LIPC: variants seen among roughly 807,000 people sequenced by gnomAD.
LIPC encodes hepatic triacylglycerol lipase.
In LIPC, 44 loss-of-function variants were observed where a neutral mutation model predicts 50.7. The ratio of observed to expected loss-of-function variants is 0.87; its 90% CI spans 0.68 to 1.11. LIPC has a LOEUF of 1.11. Among genes scored for constraint, LIPC ranks in the 50% most tolerant of loss-of-function variants. The pLI, the probability that LIPC is intolerant of heterozygous loss-of-function variation, is 0.00. For synonymous variants in LIPC, 271 were observed against 256.4 expected, an observed-to-expected ratio of 1.06 and a Z score of -0.54; for missense variants, 697 against 648.2, an observed-to-expected ratio of 1.08 and a Z score of -0.82.
At position 58,541,946 on chromosome 15, in the gene LIPC, G is replaced by C; in HGVS notation, c.435G>C (p.Ala145=). The change falls in exon 3 of 9, where the codon GCG becomes GCC. Residue 145 remains alanine, a synonymous_variant. Transcript: ENST00000299022. Reference sequence around the variant, plus strand: ...CCCGCCTTGTGGGCAAGGAGGTCGCGGCTCTTCTCCGGTGGCTGGAGGTAC... The same window carrying C: ...CCCGCCTTGTGGGCAAGGAGGTCGCCGCTCTTCTCCGGTGGCTGGAGGTAC... ...RNTRLVGKEV[A]ALLRWLEESV... is the part of the protein sequence containing the mutation. The C allele has an allele frequency of 6.2e-7, 1 of 1,610,548 alleles. No individual in the cohort carries two copies. The highest frequency in any genetic ancestry group is 8.5e-7 in the Non-Finnish European group (1 of 1,179,566).
intron 1 of LIPC, among the ~76,000 whole-genome samples, chr15:58,534,055 A>G (rs573190826): frequency 6.6e-6 from 1 of 152,332 alleles, no homozygotes; most frequent in East Asian, 1.9e-4. Context: ...AAGAGAGGGC[A>G]TAAGCTCTAA....
chr15:58,437,556 G>A (rs1231909202), intron 1 of LIPC, among the ~76,000 whole-genome samples: 1 of 151,912 alleles, frequency 6.6e-6, no homozygotes, highest in East Asian at 1.9e-4. Flanking sequence ...AAATAAAAAG[G>A]CCCTGATCAG....
rs374799133 is a variant in LIPC at position 58,568,728 on chromosome 15, T to A, written c.1401T>A (p.Cys467Ter). The change falls in exon 9 of 9, where the codon TGT becomes TGA. Residue 467 changes from cysteine (C) to a stop codon, truncating the protein, a stop_gained. Coordinates refer to ENST00000299022, the MANE Select transcript of LIPC (RefSeq NM_000236.3). LOFTEE classifies it high-confidence loss of function. ...AGETQQRMTF[C>*]SENTDDLLLR... ...GTTTTCTATTCAGAATGACATTTTG[T>A]TCAGAAAACACAGATGACCTACTAC... The A allele has an allele frequency of 5.6e-6, 9 of 1,598,106 alleles. No homozygotes were observed. Among genetic ancestry groups the A allele is most frequent in the Non-Finnish European group, 7.7e-6 (9 of 1,166,060 alleles).
chr15:58,445,342 A>G (rs1309208834), intron 1 of LIPC, among the ~76,000 whole-genome samples: 1 of 152,100 alleles, frequency 6.6e-6, no homozygotes, highest in Admixed American at 6.5e-5. Context: ...TTTGAGAGGT[A>G]TTTCTCCCAT....
intron 1 of LIPC, among the ~76,000 whole-genome samples, chr15:58,440,058 A>G (rs1893450819): frequency 6.6e-6 from 1 of 152,246 alleles, no homozygotes; most frequent in Admixed American, 6.5e-5. Context: ...CCCAGTAGCT[A>G]CAACCCCAAA....
chr15:58,506,108 G>A (rs76602712), intron 1 of LIPC, among the ~76,000 whole-genome samples: 18,187 of 152,148 alleles, frequency 0.12, 1,175 homozygotes, highest in Non-Finnish European at 0.16. Context: ...GCTGTGTTTG[G>A]GTGCCTGTAG....
intron 8 of LIPC, among the ~76,000 whole-genome samples, chr15:58,567,543 T>G (rs1377981692): frequency 6.6e-6 from 1 of 151,804 alleles, no homozygotes; most frequent in Non-Finnish European, 1.5e-5. Flanking sequence ...AATACATATG[T>G]ACAGAATGTT....
chr15:58,554,707 C>A (rs1228815211), intron 6 of LIPC, among the ~76,000 whole-genome samples: 1 of 152,064 alleles, frequency 6.6e-6, no homozygotes, highest in Non-Finnish European at 1.5e-5. Context: ...CCAGCCTGAG[C>A]AACATACAGA....
chr15:58,480,865 G>A (rs1443905201), intron 1 of LIPC, among the ~76,000 whole-genome samples: 2 of 152,114 alleles, frequency 1.3e-5, no homozygotes, highest in Admixed American at 6.5e-5. Context: ...GCCTTGTACT[G>A]TAGGTTCCCC....
chr15:58,490,501 G>C (rs1235035320), intron 1 of LIPC, among the ~76,000 whole-genome samples: 1 of 152,134 alleles, frequency 6.6e-6, no homozygotes. Flanking sequence ...CCGTTCGCGG[G>C]ATAATTATCC....
At chr15:58,435,647 C>A (rs1243740467) in intron 1 of LIPC, 1 of 152,262 alleles carries the variant, frequency 6.6e-6, no homozygotes, top group East Asian at 1.9e-4. Flanking sequence ...CCGTGGCTCA[C>A]GCCTGTAATC....
At position 58,471,331 on chromosome 15, in the gene LIPC, G is replaced by GGGGA. The variant is rs1555399324; in HGVS notation, c.88+39214_88+39215insAGGG. On this transcript the variant is annotated intron_variant, in intron 1 of 8. Transcript: ENST00000299022. ...TTTTTTGTATTTTTAGTAGAGATGGGGGGGGGTGGTCTCACCATGTTGGCC... is the reference window on the plus strand; with the variant it reads ...TTTTTTGTATTTTTAGTAGAGATGGGGGGAGGGGGGTGGTCTCACCATGTTGGCC... Among the ~76,000 whole-genome samples, 11 of 139,002 alleles carry GGGGA rather than the reference G, an allele frequency of 7.9e-5. 2 individuals carry two copies. The highest frequency in any genetic ancestry group is 6.3e-5 in the Non-Finnish European group (4 of 63,936). 91.2% of individuals were successfully genotyped at this position (139,002 alleles called of 152,430 possible). A position where few individuals can be genotyped will look rare whatever the true frequency, so the allele number is the denominator to read the frequency against.
intron 8 of LIPC, among the ~76,000 whole-genome samples, chr15:58,564,609 C>T (rs138285708): frequency 0.015 from 2,318 of 152,156 alleles, 53 homozygotes; most frequent in African/African-American, 0.052. Flanking sequence ...CAATGGTAGT[C>T]CCAGCTACTC....
chr15:58,501,646 A>G (rs942675131), intron 1 of LIPC, among the ~76,000 whole-genome samples: 1 of 152,218 alleles, frequency 6.6e-6, no homozygotes, highest in African/African-American at 2.4e-5. Context: ...GGAAGAGTAC[A>G]TTAACTTGCC....
chr15:58,512,163 A>G (rs796254615), intron 1 of LIPC, among the ~76,000 whole-genome samples: 4 of 150,270 alleles, frequency 2.7e-5, no homozygotes, highest in African/African-American at 9.8e-5. Context: ...CAATGGCATG[A>G]TCTCAGCTCA....
chr15:58,452,279 T>C (rs1291440214), intron 1 of LIPC, among the ~76,000 whole-genome samples: 1 of 152,228 alleles, frequency 6.6e-6, no homozygotes, highest in Non-Finnish European at 1.5e-5. Flanking sequence ...GTCTGGGTTT[T>C]AACGCACCCT....
Position 58,463,123 on chromosome 15 carries a change from A to C in LIPC, c.88+31003A>C, listed in dbSNP as rs1003347562. On this transcript the variant is annotated intron_variant, in intron 1 of 8. Coordinates refer to ENST00000299022, the MANE Select transcript of LIPC (RefSeq NM_000236.3). ...GCAGCCAAGGGCCAGCTCCCCAGTG[A>C]AAGGTGATATTGTGCTTCTACCGCA... Among the ~76,000 whole-genome samples the C allele has an allele frequency of 3.3e-5, 5 of 152,172 alleles. No homozygotes were observed. In the East Asian group the frequency reaches 7.7e-4, roughly 23 times the overall value.
rs561781996 is a variant in LIPC, at chr15:58,437,365, A to G, written c.88+5245A>G. Among the ~76,000 whole-genome samples, 78 of 152,198 alleles carry G rather than the reference A, an allele frequency of 5.1e-4. 2 individuals carry two copies. The South Asian group carries it at 0.016, about 30-fold the overall frequency. ...AGCTTTGTAAAACAAGTATAAGAAA[A>G]TTGTATATGCAATAATGTAGGGAAA... is the stretch of plus-strand genomic sequence containing the variant. On this transcript the variant is annotated intron_variant, in intron 1 of 8. Transcript: ENST00000299022.
intron 6 of LIPC, among the ~76,000 whole-genome samples, chr15:58,557,379 C>CTTTTT (rs386383140): frequency 0.12 from 9,390 of 75,526 alleles, 2,510 homozygotes; most frequent in Admixed American, 0.18. Context: ...ATTATATGCT[C>CTTTTT]TTTTTTTTTT....
Sources: gnomAD v4.1 joint callset for allele counts (sites outside exome capture counted in the v4.1 genomes callset) on GRCh38, gnomAD v4.1.1 for gene constraint, MANE v1.5 for transcripts, NCBI Gene and HGNC (gene_info 2026-07-23, HGNC 2026-07-21) for gene names.